Variants in SNTG1 observed in about 807,000 individuals in gnomAD.
SNTG1 encodes gamma-1-syntrophin.
Under a neutral mutation model 74.7 loss-of-function variants are expected in SNTG1, and 39 were observed. The observed-to-expected ratio is 0.52, with a 90% CI of 0.40 to 0.68. SNTG1 has a LOEUF of 0.68. Among genes scored for constraint, SNTG1 ranks in the 30% least tolerant of loss-of-function variants. The pLI, the probability that SNTG1 is intolerant of heterozygous loss-of-function variation, is 0.00. For missense variants in SNTG1, 685 were observed against 609.5 expected (o/e 1.12, Z -1.30); for synonymous variants, 254 against 217.1 (o/e 1.17, Z -1.49).
At chr8:50,508,786 ATTTG>A (rs1297155723) in intron 9 of SNTG1, among the ~76,000 whole-genome samples, 5 of 152,106 alleles carry the variant, frequency 3.3e-5, no homozygotes, top group Middle Eastern at 3.4e-3. Context: ...TTTCTTGTAA[ATTTG>A]TTTGAGTTCA....
At chr8:50,333,956 C>T (rs1306146468) in intron 2 of SNTG1, among the ~76,000 whole-genome samples, 2 of 152,164 alleles carry the variant, frequency 1.3e-5, no homozygotes, top group Non-Finnish European at 2.9e-5. Flanking sequence ...AATTTAGATT[C>T]TTGTCAAAAA....
intron 2 of SNTG1, among the ~76,000 whole-genome samples, chr8:50,210,024 A>C (rs924222195): frequency 6.6e-6 from 1 of 152,218 alleles, no homozygotes; most frequent in African/African-American, 2.4e-5. Flanking sequence ...AGTGTAGAGA[A>C]GACCTTAAAT....
At chr8:50,362,362 C>A (rs76954979) in intron 2 of SNTG1, among the ~76,000 whole-genome samples, 2,951 of 152,212 alleles carry the variant, frequency 0.019, 97 homozygotes, top group African/African-American at 0.068. Context: ...AATAAACTAA[C>A]GCTGTAGCTT....
rs531785242 is a variant in SNTG1, at chr8:50,596,744, G to A, written c.849+5827G>A. 2.0e-4 allele frequency among the ~76,000 whole-genome samples: 30 copies of A among 152,008 alleles called. No homozygotes were observed. In the South Asian group the frequency reaches 5.4e-3, roughly 27 times the overall value. On this transcript the variant is annotated intron_variant, in intron 13 of 18. Coordinates refer to ENST00000642720, the MANE Select transcript of SNTG1 (RefSeq NM_018967.5). ...CCTAGCTTTGTAATTATTTGCTGTT[G>A]TTGATAAAACTTCTAATATTTTTTA...
chr8:50,460,782 G>T (rs1193225833), intron 8 of SNTG1, among the ~76,000 whole-genome samples: 3 of 152,008 alleles, frequency 2.0e-5, no homozygotes, highest in Non-Finnish European at 4.4e-5. Flanking sequence ...TTTGTCAAAG[G>T]TTAAATGGCT....
chr8:50,220,758 T>C (rs1471286589), intron 2 of SNTG1, among the ~76,000 whole-genome samples: 2 of 152,222 alleles, frequency 1.3e-5, no homozygotes, highest in African/African-American at 2.4e-5. Flanking sequence ...TTAAGATACA[T>C]GCAGTAGTGC....
At chr8:50,273,339 A>G (rs2087894368) in intron 2 of SNTG1, among the ~76,000 whole-genome samples, 1 of 152,202 alleles carries the variant, frequency 6.6e-6, no homozygotes, top group Admixed American at 6.5e-5. Context: ...AGTCTGCACA[A>G]AATCCACATA....
At chr8:49,978,900 T>C (rs1812420695) in intron 1 of SNTG1, among the ~76,000 whole-genome samples, 1 of 152,196 alleles carries the variant, frequency 6.6e-6, no homozygotes, top group Admixed American at 6.5e-5. Context: ...TGGGTCTGCC[T>C]GACCCTAGAC....
intron 1 of SNTG1, among the ~76,000 whole-genome samples, chr8:49,938,611 C>CTTTTCT (rs71928710): frequency 1.8e-3 from 23 of 12,552 alleles, no homozygotes; most frequent in Admixed American, 6.4e-3. Flanking sequence ...TCTTTTCTTT[C>CTTTTCT]TTTCTTTCTT....
At chr8:49,986,976 A>G (rs1295810287) in intron 1 of SNTG1, among the ~76,000 whole-genome samples, 2 of 152,244 alleles carry the variant, frequency 1.3e-5, no homozygotes, top group African/African-American at 4.8e-5. Context: ...ATGCAAGAGT[A>G]TCCCAAAATT....
At chr8:50,415,937 G>A (rs12545003) in intron 4 of SNTG1, among the ~76,000 whole-genome samples, 104,803 of 151,992 alleles carry the variant, frequency 0.69, 36,338 homozygotes, top group East Asian at 0.81. Context: ...ACATGATAAC[G>A]ATGGGTGATT....
intron 4 of SNTG1, among the ~76,000 whole-genome samples, chr8:50,407,448 A>G (rs1304115736): frequency 6.6e-6 from 1 of 152,174 alleles, no homozygotes; most frequent in East Asian, 1.9e-4. Flanking sequence ...CATGAGGGAG[A>G]AAAATGAAGC....
At chr8:50,215,930 G>A (rs2084771083) in intron 2 of SNTG1, among the ~76,000 whole-genome samples, 2 of 152,208 alleles carry the variant, frequency 1.3e-5, no homozygotes, top group South Asian at 4.1e-4. Flanking sequence ...CACTAGAATA[G>A]GCTTATTTAT....
chr8:50,022,782 C>A (rs942918997), intron 1 of SNTG1, among the ~76,000 whole-genome samples: 1 of 152,082 alleles, frequency 6.6e-6, no homozygotes, highest in Admixed American at 6.5e-5. Context: ...GGCTCAAACC[C>A]AAAATGCACA....
At chr8:50,597,417 A>G (rs143189235) in intron 13 of SNTG1, among the ~76,000 whole-genome samples, 142 of 145,648 alleles carry the variant, frequency 9.7e-4, no homozygotes, top group Non-Finnish European at 1.6e-3. Flanking sequence ...ATATATACAT[A>G]TATACATATA....
At chr8:50,031,621 A>T (rs1817745702) in intron 1 of SNTG1, among the ~76,000 whole-genome samples, 1 of 152,096 alleles carries the variant, frequency 6.6e-6, no homozygotes, top group African/African-American at 2.4e-5. Flanking sequence ...GTGAAGTTGT[A>T]TATCATATAG....
At chr8:50,127,342 A>G (rs998730577) in intron 1 of SNTG1, among the ~76,000 whole-genome samples, 5 of 152,190 alleles carry the variant, frequency 3.3e-5, no homozygotes, top group Non-Finnish European at 7.4e-5. Flanking sequence ...ATATGAGGTC[A>G]TAATGAAGGT....
chr8:50,525,565 C>G (rs2094213307), intron 9 of SNTG1, among the ~76,000 whole-genome samples: 2 of 151,930 alleles, frequency 1.3e-5, no homozygotes, highest in African/African-American at 4.8e-5. Flanking sequence ...TTTCCTAATT[C>G]TAATTTCCTT....
intron 1 of SNTG1, among the ~76,000 whole-genome samples, chr8:49,959,449 C>G (rs1302618893): frequency 1.3e-5 from 2 of 150,830 alleles, no homozygotes. Context: ...AGTCACTCCC[C>G]ACTGCCCCAT....
Sources: allele counts gnomAD v4.1 joint callset (sites outside exome capture counted in the v4.1 genomes callset), GRCh38; gene constraint gnomAD v4.1.1; transcripts MANE v1.5; gene names NCBI Gene and HGNC (gene_info 2026-07-23, HGNC 2026-07-21).